The following ZNF148 variants were observed in gnomAD, a reference collection of about 807,000 sequenced individuals.
ZNF148 encodes the protein zinc finger protein 148.
Under a neutral mutation model 67.7 loss-of-function variants are expected in ZNF148, and 7 were observed. The observed-to-expected ratio is 0.10, with a 90% CI of 0.06 to 0.19. The LOEUF (loss-of-function observed/expected upper bound fraction) is 0.19, where lower values mean the gene tolerates loss of function less well. Ranked by LOEUF, ZNF148 falls within the 10% of genes least tolerant of loss-of-function variation. The pLI is 1.00. For synonymous variants in ZNF148, 333 were observed against 330.7 expected (o/e 1.01, Z -0.08); for missense variants, 583 against 947.1 (o/e 0.62, Z 5.05).
At chr3:125,365,693 CTG>C (rs1012313246) in intron 1 of ZNF148, among the ~76,000 whole-genome samples, 1 of 152,134 alleles carries the variant, frequency 6.6e-6, no homozygotes. Flanking sequence ...TGGTACATGC[CTG>C]TGGTCCCAGG....
chr3:125,227,069 C>A lies in ZNF148; in HGVS notation c.*5272G>T, dbSNP rs1935670982. 1 of 152,136 alleles carries A rather than the reference C, an allele frequency of 6.6e-6. No individual in the cohort carries two copies. The highest frequency in any genetic ancestry group is 6.6e-5 in the Admixed American group (1 of 15,262). 9.4% of individuals were successfully genotyped at this position (152,136 alleles called of 1,614,324 possible). On this transcript the variant is annotated 3_prime_UTR_variant, in exon 9 of 9. Transcript: ENST00000360647. ...GAGTTGAAGAAACAACCTGCTGCAA[C>A]CTTCCCAAGACACACGATGCCCCCC...
intron 2 of ZNF148, among the ~76,000 whole-genome samples, chr3:125,326,055 A>G (rs1941002333): frequency 6.6e-6 from 1 of 152,234 alleles, no homozygotes; most frequent in Non-Finnish European, 1.5e-5. Flanking sequence ...AAGACAGCAA[A>G]ACTATCCTTC....
chr3:125,367,518 T>C (rs1360344341), intron 1 of ZNF148, among the ~76,000 whole-genome samples: 1 of 152,242 alleles, frequency 6.6e-6, no homozygotes, highest in Non-Finnish European at 1.5e-5. Context: ...CTAGTGCATA[T>C]AGTTTGGCAG....
chr3:125,326,320 C>T lies in ZNF148; in HGVS notation c.-152-2876G>A, dbSNP rs77742934. Reference sequence around the variant, plus strand: ...AGAATGTATAAAGCAATGATCACGACACTGTACTACTGGGTTTATAATATA... The same window carrying T: ...AGAATGTATAAAGCAATGATCACGATACTGTACTACTGGGTTTATAATATA... On this transcript the variant is annotated intron_variant, in intron 2 of 8. Transcript: ENST00000360647. Among the ~76,000 whole-genome samples the T allele has an allele frequency of 4.9e-3, 751 of 152,168 alleles. 4 individuals carry two copies. Among genetic ancestry groups the T allele is most frequent in the African/African-American group, 0.017 (706 of 41,516 alleles).
At position 125,324,723 on chromosome 3, in the gene ZNF148, T is replaced by C. The variant is rs376946182; in HGVS notation, c.-152-1279A>G. 3.7e-4 allele frequency among the ~76,000 whole-genome samples: 56 copies of C among 152,346 alleles called. No homozygotes were observed. The South Asian group carries it at 7.2e-3, about 20-fold the overall frequency. ...ATGGTACAAAGGCAAAAAGAATAAA[T>C]AGTCTTTCCCACCTACATCCATATC... is the stretch of plus-strand genomic sequence containing the variant. On this transcript the variant is annotated intron_variant, in intron 2 of 8. Transcript: ENST00000360647.
intron 1 of ZNF148, among the ~76,000 whole-genome samples, chr3:125,372,408 A>G (rs1942919573): frequency 6.6e-6 from 1 of 152,240 alleles, no homozygotes. Flanking sequence ...TAAAATAACT[A>G]AAATAAATAT....
chr3:125,370,781 A>G (rs1177398764), intron 1 of ZNF148, among the ~76,000 whole-genome samples: 1 of 152,222 alleles, frequency 6.6e-6, no homozygotes, highest in Admixed American at 6.5e-5. Flanking sequence ...TTCCTACCAC[A>G]TTCCCAACAT....
At chr3:125,305,232 T>C (rs930663564) in intron 4 of ZNF148, among the ~76,000 whole-genome samples, 3 of 152,208 alleles carry the variant, frequency 2.0e-5, no homozygotes, top group Non-Finnish European at 4.4e-5. Context: ...AAACACAGCA[T>C]TATTTGTACA....
intron 7 of ZNF148, among the ~76,000 whole-genome samples, chr3:125,251,267 C>A (rs1255757191): frequency 6.6e-6 from 1 of 152,088 alleles, no homozygotes. Context: ...GCTTCTAATA[C>A]CACAAATTAG....
intron 4 of ZNF148, among the ~76,000 whole-genome samples, chr3:125,300,900 T>C (rs2107649202): frequency 6.6e-6 from 1 of 152,354 alleles, no homozygotes. Flanking sequence ...CATAAAAATT[T>C]ATGATTTGCT....
intron 4 of ZNF148, among the ~76,000 whole-genome samples, chr3:125,312,799 C>T (rs561022909): frequency 6.6e-6 from 1 of 152,094 alleles, no homozygotes; most frequent in South Asian, 2.1e-4. Flanking sequence ...GCTTATGAAA[C>T]ATCTTAAATG....
At chr3:125,248,180 A>G (rs889166271) in intron 7 of ZNF148, among the ~76,000 whole-genome samples, 14 of 152,384 alleles carry the variant, frequency 9.2e-5, no homozygotes, top group Admixed American at 4.6e-4. Flanking sequence ...TGTAGGCACC[A>G]GTGAATTCTT....
intron 1 of ZNF148, chr3:125,357,072 C>T (rs1426153460): frequency 6.6e-6 from 1 of 152,262 alleles, no homozygotes; most frequent in African/African-American, 2.4e-5. Flanking sequence ...CATCAGCCTT[C>T]GGCGGCCCCC....
At chr3:125,326,858 A>G (rs1479294913) in intron 2 of ZNF148, among the ~76,000 whole-genome samples, 1 of 132,570 alleles carries the variant, frequency 7.5e-6, no homozygotes, top group African/African-American at 2.8e-5. Flanking sequence ...ATATGTATAT[A>G]AAGATATATA....
chr3:125,336,849 T>C (rs1376775419), intron 1 of ZNF148, among the ~76,000 whole-genome samples: 1 of 151,620 alleles, frequency 6.6e-6, no homozygotes, highest in Non-Finnish European at 1.5e-5. Flanking sequence ...GCTAATTTTT[T>C]GTATTTTAGT....
At chr3:125,298,618 A>T (rs897906361) in intron 4 of ZNF148, among the ~76,000 whole-genome samples, 16 of 102,662 alleles carry the variant, frequency 1.6e-4, no homozygotes, top group East Asian at 5.4e-4. Context: ...TTTATATTAA[A>T]TTTTTTTTTT....
chr3:125,300,584 C>T lies in ZNF148; in HGVS notation c.334-12356G>A, dbSNP rs192722916. On this transcript the variant is annotated intron_variant, in intron 4 of 8. Transcript: ENST00000360647. ...GCGTAACAGTATGCCTGCAATTTTA[C>T]ACATGCTGCTTTATAGCACAAAAAT... 1.6e-4 allele frequency among the ~76,000 whole-genome samples: 24 copies of T among 152,284 alleles called. No homozygotes were observed. The East Asian group carries it at 4.2e-3, about 27-fold the overall frequency.
intron 7 of ZNF148, among the ~76,000 whole-genome samples, chr3:125,244,724 C>A (rs767244222): frequency 6.6e-6 from 1 of 152,112 alleles, no homozygotes; most frequent in Non-Finnish European, 1.5e-5. Context: ...TCTTGAACTC[C>A]TGACCTCAAG....
intron 7 of ZNF148, among the ~76,000 whole-genome samples, chr3:125,268,633 G>C (rs1242493610): frequency 6.6e-6 from 1 of 152,162 alleles, no homozygotes; most frequent in East Asian, 1.9e-4. Flanking sequence ...TACCCTTCCA[G>C]ACATAAGCCT....
Sources: allele counts gnomAD v4.1 joint callset (sites outside exome capture counted in the v4.1 genomes callset), GRCh38; gene constraint gnomAD v4.1.1; transcripts MANE v1.5; gene names NCBI Gene and HGNC (gene_info 2026-07-23, HGNC 2026-07-21).